The following TKTL2 variants were observed in gnomAD, a reference collection of about 807,000 sequenced individuals.
TKTL2 encodes the protein transketolase-like protein 2.
For missense variants in TKTL2, 825 were observed against 799.4 expected (o/e 1.03, Z -0.39); for synonymous variants, 259 against 294.1 (o/e 0.88, Z 1.22).
chr4:163,473,655 G>C lies in TKTL2; in HGVS notation c.80C>G (p.Ser27Cys). 2 of 1,614,162 alleles carry C rather than the reference G, an allele frequency of 1.2e-6. No individual in the cohort carries two copies. The highest frequency in any genetic ancestry group is 1.7e-6 in the Non-Finnish European group (2 of 1,180,032). The change falls in exon 1 of 1, where the codon TCC becomes TGC. Residue 27 changes from serine (S) to cysteine (C), a missense_variant. Coordinates refer to ENST00000280605, the MANE Select transcript of TKTL2 (RefSeq NM_032136.5). ...RDTANRLRIHSIRATCASGSG... is the reference protein window; with the variant it reads ...RDTANRLRIHCIRATCASGSG... Reference sequence around the variant, plus strand: ...ACCAGAGGCACACGTGGCCCTGATGGAATGGATCCGCAGGCGGTTGGCTGT... The same window carrying C: ...ACCAGAGGCACACGTGGCCCTGATGCAATGGATCCGCAGGCGGTTGGCTGT...
chr4:163,473,197 C>G lies in TKTL2; in HGVS notation c.538G>C (p.Val180Leu). The G allele has an allele frequency of 6.2e-7, 1 of 1,613,900 alleles. No homozygotes were observed. Among genetic ancestry groups the G allele is most frequent in the South Asian group, 1.1e-5 (1 of 91,070 alleles). ...AAGCGGTTCACGTCGAAGACCGCCACGAGATTGTCCAAGTTGTAGTGGGAG... is the reference window on the plus strand; with the variant it reads ...AAGCGGTTCACGTCGAAGACCGCCAGGAGATTGTCCAAGTTGTAGTGGGAG... ...FASHYNLDNL[V>L]AVFDVNRLGQ... is the part of the protein sequence containing the mutation. Residue 180 changes from valine (V) to leucine (L), a missense_variant, in exon 1 of 1, where the codon GTG becomes CTG. Physicochemically the swap from Val to Leu is conservative, Grantham distance 32. Transcript: ENST00000280605.
Position 163,473,444 on chromosome 4 carries a change from G to A in TKTL2, c.291C>T (p.Asp97=). The stretch of plus-strand genomic sequence containing the variant: ...TGTGAAGTTTCCTCAGGTTCAGCAA[G>A]TCAGATTCACTGATGTCACCCACCT... ...WVEVGDISES[D]LLNLRKLHSD... The change falls in exon 1 of 1, where the codon GAC becomes GAT. Residue 97 remains aspartate (D), a synonymous_variant. Transcript: ENST00000280605. 6.2e-7 allele frequency: 1 copy of A among 1,614,008 alleles called. No homozygotes were observed. The highest frequency in any genetic ancestry group is 8.5e-7 in the Non-Finnish European group (1 of 1,180,028).
Position 163,473,353 on chromosome 4 carries a change from G to A in TKTL2, c.382C>T (p.Gln128Ter), listed in dbSNP as rs1488397732. 1.2e-6 allele frequency: 2 copies of A among 1,613,934 alleles called. No homozygotes were observed. Among genetic ancestry groups the A allele is most frequent in the Non-Finnish European group, 1.7e-6 (2 of 1,179,990 alleles). ...ATTCCACATGCAGTACCTAATCCCT[G>A]ACCTAGGGACCCTGTTGCCACGTCA... ...FVDVATGSLG[Q>*]GLGTACGMAY... is the part of the protein sequence containing the mutation. Residue 128 changes from glutamine (Q) to a stop codon, truncating the protein, a stop_gained, in exon 1 of 1, where the codon CAG becomes TAG. Transcript: ENST00000280605. LOFTEE classifies it low-confidence loss of function (END_TRUNC).
rs1737171157 is a variant in TKTL2 at position 163,471,899 on chromosome 4, AC to A, written c.1835del (p.Ser612IlefsTer6). 1.9e-6 allele frequency: 3 copies of A among 1,576,282 alleles called. No homozygotes were observed. Among genetic ancestry groups the A allele is most frequent in the Non-Finnish European group, 2.6e-6 (3 of 1,162,548 alleles). On this transcript the variant is annotated frameshift_variant, in exon 1 of 1. Transcript: ENST00000280605. LOFTEE classifies it high-confidence loss of function. ...TTACGGCTGCTATAATGTGTCTGGT[AC>A]TGATTCCAAACATATCCAGCAATTC... is the stretch of plus-strand genomic sequence containing the variant. ...TSELLDMFGI[S>X]TRHIIAAVTL...
chr4:163,473,594 C>G lies in TKTL2; in HGVS notation c.141G>C (p.Glu47Asp). Residue 47 changes from glutamate to aspartate, a missense_variant, in exon 1 of 1, where the codon GAG becomes GAC. Physicochemically the swap from Glu to Asp is conservative, Grantham distance 45 (BLOSUM62 2). Coordinates refer to ENST00000280605, the MANE Select transcript of TKTL2 (RefSeq NM_032136.5). The stretch of plus-strand genomic sequence containing the variant: ...TGTGGAAGAAGAGGACAGACACGAC[C>G]TCCGCTGCACTGCAGCACGACGTGA... ...GQLTSCCSAA[E>D]VVSVLFFHTM... The G allele has an allele frequency of 1.2e-6, 2 of 1,614,148 alleles. No homozygotes were observed. Among genetic ancestry groups the G allele is most frequent in the Non-Finnish European group, 1.7e-6 (2 of 1,180,030 alleles).
rs756397639 is a variant in TKTL2 at position 163,472,532 on chromosome 4, G to T, written c.1203C>A (p.Phe401Leu). The change falls in exon 1 of 1, where the codon TTC becomes TTA. Residue 401 changes from phenylalanine to leucine, a missense_variant. Physicochemically the swap from Phe to Leu is conservative, Grantham distance 22 (BLOSUM62 0). Coordinates refer to ENST00000280605, the MANE Select transcript of TKTL2 (RefSeq NM_032136.5). ...GAFAAFFTRA[F>L]DQLRMGAISQ... ...AAATGGCTCCCATTCGGAGCTGATC[G>T]AATGCTCTAGTAAAAAAGGCAGCAA... The T allele has an allele frequency of 7.4e-6, 12 of 1,614,098 alleles. No homozygotes were observed. The highest frequency in any genetic ancestry group is 9.3e-6 in the Non-Finnish European group (11 of 1,180,006).
rs751499122 is a variant in TKTL2 at position 163,471,833 on chromosome 4, CT to C, written c.*20del. 8 of 1,500,650 alleles carry C rather than the reference CT, an allele frequency of 5.3e-6. No individual in the cohort carries two copies. In the East Asian group the frequency reaches 6.9e-5, roughly 13 times the overall value. 93.0% of individuals were successfully genotyped at this position (1,500,650 alleles called of 1,614,324 possible). ...TTTGGGCCAAAGCCAATAGACTTGACTTTTTAGAAATAAGCCTAGTTTACTT... is the reference window on the plus strand; with the variant it reads ...TTTGGGCCAAAGCCAATAGACTTGACTTTTAGAAATAAGCCTAGTTTACTT... On this transcript the variant is annotated 3_prime_UTR_variant, in exon 1 of 1. Transcript: ENST00000280605.
Position 163,472,641 on chromosome 4 carries a change from T to C in TKTL2, c.1094A>G (p.Glu365Gly). Reference protein sequence around the residue: ...FRKEHPERFIECIIAEQNMVS... With the variant: ...FRKEHPERFIGCIIAEQNMVS... ...CATGTTTTGTTCAGCAATAATACAC[T>C]CTATGAAACGCTCAGGGTGTTCTTT... is the stretch of plus-strand genomic sequence containing the variant. The change falls in exon 1 of 1, where the codon GAG (glutamate) becomes GGG (glycine). Residue 365 changes from glutamate (E) to glycine (G), a missense_variant. Glu to Gly is a moderately conservative substitution (Grantham distance 98). Coordinates refer to ENST00000280605, the MANE Select transcript of TKTL2 (RefSeq NM_032136.5). The C allele has an allele frequency of 6.2e-7, 1 of 1,614,170 alleles. No homozygotes were observed. Among genetic ancestry groups the C allele is most frequent in the Non-Finnish European group, 8.5e-7 (1 of 1,180,042 alleles).
chr4:163,472,710 A>G lies in TKTL2; in HGVS notation c.1025T>C (p.Leu342Pro), dbSNP rs765303600. 1 of 1,613,232 alleles carries G rather than the reference A, an allele frequency of 6.2e-7. No homozygotes were observed. The highest frequency in any genetic ancestry group is 1.1e-5 in the South Asian group (1 of 90,930). ...LGRANERVIV[L>P]SGDTMNSTFS... ...GGTGGAGTTCATCGTGTCACCACTCAGAACAATAACTCTTTCATTTGCACG... is the reference window on the plus strand; with the variant it reads ...GGTGGAGTTCATCGTGTCACCACTCGGAACAATAACTCTTTCATTTGCACG... Residue 342 changes from leucine (L) to proline (P), a missense_variant, in exon 1 of 1, where the codon CTG becomes CCG. By Grantham distance (98) the Leu-to-Pro change is moderately conservative. Transcript: ENST00000280605.
In TKTL2 at chr4:163,472,676, C is replaced by A; in HGVS notation, c.1059G>T (p.Glu353Asp). 6.2e-7 allele frequency: 1 copy of A among 1,614,106 alleles called. No homozygotes were observed. Among genetic ancestry groups the A allele is most frequent in the Non-Finnish European group, 8.5e-7 (1 of 1,180,002 alleles). The change falls in exon 1 of 1, where the codon GAG (glutamate) becomes GAT (aspartate). Residue 353 changes from glutamate to aspartate, a missense_variant. Transcript: ENST00000280605. ...SGDTMNSTFS[E>D]IFRKEHPERF... is the part of the protein sequence containing the mutation. ...GCTCAGGGTGTTCTTTCCTGAATAT[C>A]TCAGAAAAGGTGGAGTTCATCGTGT... is the stretch of plus-strand genomic sequence containing the variant.
At position 163,472,021 on chromosome 4, in the gene TKTL2, T is replaced by C; in HGVS notation, c.1714A>G (p.Ile572Val). ...ACAGCTGCACAAACAGCTTCTCCAATGCCACCTTCCCTGTAGTGATCCTCC... is the reference window on the plus strand; with the variant it reads ...ACAGCTGCACAAACAGCTTCTCCAACGCCACCTTCCCTGTAGTGATCCTCC... The part of the protein sequence containing the change: ...TVEDHYREGG[I>V]GEAVCAAVSR... The change falls in exon 1 of 1, where the codon ATT (isoleucine) becomes GTT (valine). Residue 572 changes from isoleucine to valine, a missense_variant. Transcript: ENST00000280605. The C allele has an allele frequency of 6.2e-7, 1 of 1,613,718 alleles. No individual in the cohort carries two copies. The highest frequency in any genetic ancestry group is 8.5e-7 in the Non-Finnish European group (1 of 1,179,712).
chr4:163,473,276 A>T lies in TKTL2; in HGVS notation c.459T>A (p.Leu153=). ...LDKASYRVFC[L]MGDGESSEGS... is the part of the protein sequence containing the mutation. ...CTTCTGAGGATTCGCCATCTCCCAT[A>T]AGGCAGAACACCCGGTAGCTGGCCT... The change falls in exon 1 of 1, where the codon CTT becomes CTA. Residue 153 remains leucine (L), a synonymous_variant. Transcript: ENST00000280605. 6.2e-7 allele frequency: 1 copy of T among 1,613,978 alleles called. No homozygotes were observed. The highest frequency in any genetic ancestry group is 1.1e-5 in the South Asian group (1 of 91,072).
At position 163,473,397 on chromosome 4, in the gene TKTL2, G is replaced by A. The variant is rs373997611; in HGVS notation, c.338C>T (p.Thr113Ile). 2.7e-5 allele frequency: 44 copies of A among 1,613,786 alleles called. No individual in the cohort carries two copies. The highest frequency in any genetic ancestry group is 3.4e-5 in the Non-Finnish European group (40 of 1,179,990). ...CACGTCAACAAACGGCAATCGGGGG[G>A]TAGGGTGTCTCTCCAAGTCGCTGTG... is the stretch of plus-strand genomic sequence containing the variant. ...KLHSDLERHP[T>I]PRLPFVDVAT... Residue 113 changes from threonine (T) to isoleucine (I), a missense_variant, in exon 1 of 1, where the codon ACC (threonine) becomes ATC (isoleucine). Transcript: ENST00000280605.
Position 163,472,585 on chromosome 4 carries a change from C to T in TKTL2, c.1150G>A (p.Gly384Ser), listed in dbSNP as rs1177764470. The stretch of plus-strand genomic sequence containing the variant: ...GCACCAGCAAAAGCAATGGTTCGAC[C>T]ACGTGTAGCACAGCCTAGTGCCACA... ...VSVALGCATR[G>S]RTIAFAGAFA... The change falls in exon 1 of 1, where the codon GGT becomes AGT. Residue 384 changes from glycine to serine, a missense_variant. Gly to Ser is a moderately conservative substitution (Grantham distance 56, BLOSUM62 0). Coordinates refer to ENST00000280605, the MANE Select transcript of TKTL2 (RefSeq NM_032136.5). 2 of 1,614,082 alleles carry T rather than the reference C, an allele frequency of 1.2e-6. No individual in the cohort carries two copies. Among genetic ancestry groups the T allele is most frequent in the Non-Finnish European group, 1.7e-6 (2 of 1,180,052 alleles).
chr4:163,473,039 T>C lies in TKTL2; in HGVS notation c.696A>G (p.Ala232=). Residue 232 remains alanine (A), a synonymous_variant, in exon 1 of 1, where the codon GCA becomes GCG. Transcript: ENST00000280605. ...VEALCQAFWQ[A]SQVKNKPTAI... is the part of the protein sequence containing the mutation. ...CAGTAGGCTTGTTCTTCACTTGACT[T>C]GCTTGCCAAAATGCTTGGCACAAGG... is the stretch of plus-strand genomic sequence containing the variant. The C allele has an allele frequency of 6.2e-7, 1 of 1,614,206 alleles. No homozygotes were observed. Among genetic ancestry groups the C allele is most frequent in the Middle Eastern group, 1.6e-4 (1 of 6,062 alleles).
At position 163,471,751 on chromosome 4, in the gene TKTL2, G is replaced by T; in HGVS notation, c.*103C>A. 1.1e-6 allele frequency: 1 copy of T among 900,396 alleles called. No homozygotes were observed. Among genetic ancestry groups the T allele is most frequent in the East Asian group, 2.7e-5 (1 of 37,328 alleles). The allele number at this position is 900,396 out of a possible 1,614,324, so 55.8% of individuals were successfully genotyped here. A position where few individuals can be genotyped will look rare whatever the true frequency, so the allele number is the denominator to read the frequency against. ...TAAAAGAAACAGTACAACTGTATAG[G>T]TATAAATAATGGTTTTGTGACAATA... On this transcript the variant is annotated 3_prime_UTR_variant, in exon 1 of 1. Transcript: ENST00000280605.
At position 163,471,958 on chromosome 4, in the gene TKTL2, C is replaced by T; in HGVS notation, c.1777G>A (p.Val593Met). The part of the protein sequence containing the change: ...EPDILVHQLA[V>M]SGVPQRGKTS... ...TTCCCACGTTGAGGCACTCCTGACACTGCCAGTTGATGAACAAGGATATCA... is the reference window on the plus strand; with the variant it reads ...TTCCCACGTTGAGGCACTCCTGACATTGCCAGTTGATGAACAAGGATATCA... The change falls in exon 1 of 1, where the codon GTG (valine) becomes ATG (methionine). Residue 593 changes from valine to methionine, a missense_variant. Physicochemically the swap from Val to Met is conservative, Grantham distance 21. Coordinates refer to ENST00000280605, the MANE Select transcript of TKTL2 (RefSeq NM_032136.5). The T allele has an allele frequency of 6.2e-7, 1 of 1,611,648 alleles. No homozygotes were observed. The highest frequency in any genetic ancestry group is 8.5e-7 in the Non-Finnish European group (1 of 1,178,820).
At position 163,472,603 on chromosome 4, in the gene TKTL2, G is replaced by C. The variant is rs767833920; in HGVS notation, c.1132C>G (p.Leu378Val). 6.2e-7 allele frequency: 1 copy of C among 1,614,194 alleles called. No individual in the cohort carries two copies. Among genetic ancestry groups the C allele is most frequent in the Non-Finnish European group, 8.5e-7 (1 of 1,180,032 alleles). The change falls in exon 1 of 1, where the codon CTA (leucine) becomes GTA (valine). Residue 378 changes from leucine to valine, a missense_variant. By Grantham distance (32) the Leu-to-Val change is conservative. Coordinates refer to ENST00000280605, the MANE Select transcript of TKTL2 (RefSeq NM_032136.5). ...GTTCGACCACGTGTAGCACAGCCTA[G>C]TGCCACACTTACCATGTTTTGTTCA... ...IAEQNMVSVALGCATRGRTIA... is the reference protein window; with the variant it reads ...IAEQNMVSVAVGCATRGRTIA...
In TKTL2 at chr4:163,473,455, T is replaced by C. The variant is rs1427508528; in HGVS notation, c.280A>G (p.Ser94Gly). The C allele has an allele frequency of 1.2e-6, 2 of 1,613,892 alleles. No homozygotes were observed. Among genetic ancestry groups the C allele is most frequent in the East Asian group, 4.5e-5 (2 of 44,850 alleles). ...YAAWVEVGDISESDLLNLRKL... is the reference protein window; with the variant it reads ...YAAWVEVGDIGESDLLNLRKL... ...CTCAGGTTCAGCAAGTCAGATTCACTGATGTCACCCACCTCCACCCAAGCA... is the reference window on the plus strand; with the variant it reads ...CTCAGGTTCAGCAAGTCAGATTCACCGATGTCACCCACCTCCACCCAAGCA... The change falls in exon 1 of 1, where the codon AGT becomes GGT. Residue 94 changes from serine (S) to glycine (G), a missense_variant. By Grantham distance (56) the Ser-to-Gly change is moderately conservative. Transcript: ENST00000280605.
Sources: gnomAD v4.1 joint callset for allele counts on GRCh38, gnomAD v4.1.1 for gene constraint, MANE v1.5 for transcripts, NCBI Gene and HGNC (gene_info 2026-07-23, HGNC 2026-07-21) for gene names.